Variants in ADGB observed in about 807,000 individuals in gnomAD.
ADGB encodes calpain-7-like protein.
ADGB carries 172 observed loss-of-function variants against 210.5 expected under a neutral mutation model. The observed-to-expected ratio is 0.82, with a 90% CI of 0.72 to 0.93. ADGB has a LOEUF of 0.93. Ranked by LOEUF, ADGB falls within the 40% of genes least tolerant of loss-of-function variation. The pLI, the probability that ADGB is intolerant of heterozygous loss-of-function variation, is 0.00. For synonymous variants in ADGB, 658 were observed against 662.7 expected, an observed-to-expected ratio of 0.99 and a Z score of 0.11; for missense variants, 2,025 against 1,964.8, an observed-to-expected ratio of 1.03 and a Z score of -0.58.
chr6:146,643,813 G>A (rs1775555807), intron 2 of ADGB, among the ~76,000 whole-genome samples: 2 of 151,750 alleles, frequency 1.3e-5, no homozygotes, highest in Non-Finnish European at 2.9e-5. Flanking sequence ...ATACTACACA[G>A]CAATAAACAA....
intron 1 of ADGB, among the ~76,000 whole-genome samples, chr6:146,610,822 A>G (rs1235644850): frequency 6.6e-6 from 1 of 152,080 alleles, no homozygotes; most frequent in African/African-American, 2.4e-5. Flanking sequence ...TCTGCTCATA[A>G]ATGTGCACTG....
intron 35 of ADGB, among the ~76,000 whole-genome samples, chr6:146,812,755 A>T (rs984791223): frequency 1.3e-5 from 2 of 152,232 alleles, no homozygotes; most frequent in African/African-American, 2.4e-5. Context: ...AAAGTTTTCA[A>T]TGACATGCCC....
At chr6:146,780,968 T>C (rs1777789995) in intron 29 of ADGB, among the ~76,000 whole-genome samples, 1 of 151,976 alleles carries the variant, frequency 6.6e-6, no homozygotes, top group African/African-American at 2.4e-5. Flanking sequence ...TAAATAAAAG[T>C]AAAACTATGG....
chr6:146,692,840 A>G lies in ADGB; in HGVS notation c.1502A>G (p.Lys501Arg), dbSNP rs1447253992. ...TDEAQELIVK[K>R]PERFLEISSP... is the part of the protein sequence containing the mutation. ...TACTTTTTAGAGTTAATAGTAAAGA[A>G]GCCTGAACGGTTCCTTGAGATTTCA... Residue 501 changes from lysine (K) to arginine (R), a missense_variant, in exon 12 of 36, where the codon AAG (lysine) becomes AGG (arginine). By Grantham distance (26) the Lys-to-Arg change is conservative. Transcript: ENST00000397944. 2.0e-6 allele frequency: 3 copies of G among 1,533,122 alleles called. No homozygotes were observed. Among genetic ancestry groups the G allele is most frequent in the Non-Finnish European group, 2.6e-6 (3 of 1,135,790 alleles). The allele number at this position is 1,533,122 out of a possible 1,614,324, so 95.0% of individuals were successfully genotyped here. A position where few individuals can be genotyped will look rare whatever the true frequency, so the allele number is the denominator to read the frequency against.
At chr6:146,814,954 G>A in intron 35 of ADGB, 78 bp from the exon 36 acceptor site, 1 of 1,393,316 alleles carries the variant, frequency 7.2e-7, no homozygotes, top group South Asian at 1.4e-5. Context: ...CAGGGTAAAG[G>A]AATTTCATTT....
At chr6:146,718,088 C>G (rs1475434613) in intron 16 of ADGB, among the ~76,000 whole-genome samples, 2 of 152,046 alleles carry the variant, frequency 1.3e-5, no homozygotes, top group Non-Finnish European at 2.9e-5. Context: ...CACAGATGCC[C>G]TTGACACTGT....
At chr6:146,676,582 A>G (rs567686012) in intron 9 of ADGB, 141 bp downstream of exon 9, 842 of 808,500 alleles carry the variant, frequency 1.0e-3, no homozygotes, top group South Asian at 3.8e-3. Context: ...TTGGGTTCTC[A>G]GATGGGTGGG....
In ADGB at chr6:146,745,861, T is replaced by C. The variant is rs1777224807; in HGVS notation, c.3178-61T>C. ...TAAGACATTTAGCACTATTAGATAT[T>C]GTACATTCGATAGAATAATAACGAC... On this transcript the variant is annotated intron_variant, in intron 25 of 35. Transcript: ENST00000397944. 6.0e-6 allele frequency: 8 copies of C among 1,322,538 alleles called. No individual in the cohort carries two copies. In the South Asian group the frequency reaches 1.2e-4, roughly 19 times the overall value. 81.9% of individuals were successfully genotyped at this position (1,322,538 alleles called of 1,614,324 possible).
Position 146,788,527 on chromosome 6 carries a change from C to T in ADGB, c.4454C>T (p.Ala1485Val). 1.9e-6 allele frequency: 3 copies of T among 1,551,550 alleles called. No homozygotes were observed. The highest frequency in any genetic ancestry group is 2.6e-6 in the Non-Finnish European group (3 of 1,146,914). ...TTGACCAAAGGCTTGAGGGATGTGG[C>T]AAAATCCACGAGTAGCGAAAGTGGA... is the stretch of plus-strand genomic sequence containing the variant. ...WQLTKGLRDV[A>V]KSTSSESGGV... The change falls in exon 33 of 36, where the codon GCA (alanine) becomes GTA (valine). Residue 1485 changes from alanine to valine, a missense_variant. Coordinates refer to ENST00000397944, the MANE Select transcript of ADGB (RefSeq NM_024694.4).
intron 10 of ADGB, among the ~76,000 whole-genome samples, chr6:146,688,993 T>A (rs73589842): frequency 0.019 from 2,829 of 152,216 alleles, 77 homozygotes; most frequent in African/African-American, 0.062. Flanking sequence ...TGTTACAAAT[T>A]ACATTATCCA....
At position 146,683,857 on chromosome 6, in the gene ADGB, T is replaced by G. The variant is rs376954924; in HGVS notation, c.1217-1877T>G. Among the ~76,000 whole-genome samples the G allele has an allele frequency of 7.9e-5, 12 of 152,254 alleles. No individual in the cohort carries two copies. The South Asian group carries it at 2.5e-3, about 32-fold the overall frequency. On this transcript the variant is annotated intron_variant, in intron 9 of 35. Transcript: ENST00000397944. ...AAGGACAAAGTACTTAATGTGATAA[T>G]ATTAAATATTAAGCTTTAGAAAATT...
chr6:146,769,922 T>G (rs1777627490), intron 29 of ADGB, among the ~76,000 whole-genome samples: 1 of 152,224 alleles, frequency 6.6e-6, no homozygotes, highest in African/African-American at 2.4e-5. Context: ...GAATTTTTAG[T>G]ATACATACAA....
chr6:146,677,644 C>A (rs573860004), intron 9 of ADGB, among the ~76,000 whole-genome samples: 8 of 152,210 alleles, frequency 5.3e-5, no homozygotes, highest in African/African-American at 1.9e-4. Flanking sequence ...TCTGAGAGTT[C>A]TTTCTTTGTG....
At position 146,664,220 on chromosome 6, in the gene ADGB, C is replaced by A. The variant is rs1400441225; in HGVS notation, c.632C>A (p.Thr211Lys). Residue 211 changes from threonine to lysine, a missense_variant, in exon 6 of 36, where the codon ACA (threonine) becomes AAA (lysine). Thr to Lys is a moderately conservative substitution (Grantham distance 78, BLOSUM62 -1). Coordinates refer to ENST00000397944, the MANE Select transcript of ADGB (RefSeq NM_024694.4). ...LYWMGCWRKITIDDFLPFDED... is the reference protein window; with the variant it reads ...LYWMGCWRKIKIDDFLPFDED... ...TTTTAGGGTTGCTGGAGAAAGATAA[C>A]AATTGATGACTTTTTGCCTTTTGAT... 1.3e-6 allele frequency: 2 copies of A among 1,547,062 alleles called. No homozygotes were observed. The highest frequency in any genetic ancestry group is 2.0e-5 in the Admixed American group (1 of 50,464).
At position 146,666,867 on chromosome 6, in the gene ADGB, G is replaced by C. The variant is rs370322384; in HGVS notation, c.804G>C (p.Ala268=). ...TGGGGGAGTTCACGGTTATTCATGC[G>C]CTCACAGGATGGTTACCAGAAGTCA... The part of the protein sequence containing the change: ...RELGEFTVIH[A]LTGWLPEVIS... The change falls in exon 7 of 36, where the codon GCG becomes GCC. Residue 268 remains alanine, a synonymous_variant. Coordinates refer to ENST00000397944, the MANE Select transcript of ADGB (RefSeq NM_024694.4). 9.7e-6 allele frequency: 15 copies of C among 1,546,462 alleles called. No homozygotes were observed. The highest frequency in any genetic ancestry group is 1.1e-5 in the Non-Finnish European group (13 of 1,143,172).
intron 23 of ADGB, among the ~76,000 whole-genome samples, chr6:146,738,182 A>G (rs1485945329): frequency 6.6e-6 from 1 of 152,176 alleles, no homozygotes; most frequent in East Asian, 1.9e-4. Context: ...TCCCTCATAA[A>G]TCTGTAAAGA....
intron 22 of ADGB, 34 bp downstream of exon 22, chr6:146,734,064 G>C (rs755999682): frequency 6.5e-7 from 1 of 1,538,972 alleles, no homozygotes; most frequent in African/African-American, 1.4e-5. Context: ...AAATGAACTT[G>C]TTTGTATAAG....
chr6:146,711,359 G>GT (rs934655462), intron 13 of ADGB, among the ~76,000 whole-genome samples: 143 of 143,890 alleles, frequency 9.9e-4, no homozygotes, highest in Middle Eastern at 7.1e-3. Flanking sequence ...AATGCCTGTT[G>GT]TTTTTTTTTT....
At chr6:146,636,407 A>G (rs752071419) in intron 2 of ADGB, among the ~76,000 whole-genome samples, 4 of 152,058 alleles carry the variant, frequency 2.6e-5, no homozygotes, top group Non-Finnish European at 5.9e-5. Context: ...CAATAAAGGT[A>G]TTGCTGACTC....
Sources: allele counts gnomAD v4.1 joint callset (sites outside exome capture counted in the v4.1 genomes callset), GRCh38; gene constraint gnomAD v4.1.1; transcripts MANE v1.5; gene names NCBI Gene and HGNC (gene_info 2026-07-23, HGNC 2026-07-21).